THSD4: variants seen among roughly 807,000 people sequenced by gnomAD.
THSD4 encodes the protein thrombospondin type-1 domain-containing protein 4.
Under a neutral mutation model 119.0 loss-of-function variants are expected in THSD4, and 69 were observed. The observed-to-expected ratio is 0.58, with a 90% CI of 0.48 to 0.71. THSD4 has a LOEUF of 0.71. THSD4 is among the 30% of genes least tolerant of loss of function. The probability of loss-of-function intolerance (pLI) is 0.00; values close to 1 mark genes in which losing one functional copy is unlikely to be tolerated. For missense variants in THSD4, 1,393 were observed against 1,391.1 expected, an observed-to-expected ratio of 1.00 and a Z score of -0.02; for synonymous variants, 524 against 540.4, an observed-to-expected ratio of 0.97 and a Z score of 0.42.
intron 3 of THSD4, among the ~76,000 whole-genome samples, chr15:71,196,168 C>G (rs755166113): frequency 6.6e-6 from 1 of 152,150 alleles, no homozygotes; most frequent in Non-Finnish European, 1.5e-5. Flanking sequence ...GCAGAAGCCT[C>G]TTTTATAAGG....
intron 7 of THSD4, among the ~76,000 whole-genome samples, chr15:71,484,910 C>T (rs182796844): frequency 2.2e-4 from 33 of 152,174 alleles, no homozygotes; most frequent in South Asian, 4.1e-4. Flanking sequence ...TTGCTTAAGA[C>T]GTCCCATCAT....
At chr15:71,611,795 G>A (rs981359407) in intron 7 of THSD4, among the ~76,000 whole-genome samples, 1 of 152,230 alleles carries the variant, frequency 6.6e-6, no homozygotes, top group Non-Finnish European at 1.5e-5. Context: ...ATGGGTGAAA[G>A]CCCTGAGTCA....
At chr15:71,382,039 A>G (rs961716802) in intron 6 of THSD4, among the ~76,000 whole-genome samples, 2 of 152,178 alleles carry the variant, frequency 1.3e-5, no homozygotes, top group Non-Finnish European at 2.9e-5. Flanking sequence ...AAAAATGTCA[A>G]AAAGTTTAAA....
At chr15:71,099,497 G>A (rs1028584928) in intron 1 of THSD4, among the ~76,000 whole-genome samples, 5 of 151,962 alleles carry the variant, frequency 3.3e-5, no homozygotes, top group East Asian at 1.9e-4. Context: ...ACAGTGAATT[G>A]GCTCTTTTGA....
At chr15:71,605,752 G>C (rs184371450) in intron 7 of THSD4, among the ~76,000 whole-genome samples, 1 of 152,316 alleles carries the variant, frequency 6.6e-6, no homozygotes, top group East Asian at 1.9e-4. Context: ...AAAGTCTGAG[G>C]TTTGGGAGAG....
At chr15:71,700,566 C>T (rs961755539) in intron 8 of THSD4, among the ~76,000 whole-genome samples, 5 of 151,980 alleles carry the variant, frequency 3.3e-5, no homozygotes, top group Non-Finnish European at 4.4e-5. Flanking sequence ...ATGAGAATCA[C>T]CTGATTTTAA....
At chr15:71,302,935 C>T (rs2044972932) in intron 6 of THSD4, among the ~76,000 whole-genome samples, 1 of 152,116 alleles carries the variant, frequency 6.6e-6, no homozygotes, top group Admixed American at 6.5e-5. Context: ...ACATACTTCC[C>T]TGCGAGTTCT....
chr15:71,704,174 G>A (rs2052350142), intron 8 of THSD4, among the ~76,000 whole-genome samples: 3 of 152,178 alleles, frequency 2.0e-5, no homozygotes, highest in African/African-American at 7.2e-5. Flanking sequence ...GTTTTTAACA[G>A]AACTTAAAGT....
At chr15:71,298,546 TC>T (rs11306996) in intron 6 of THSD4, among the ~76,000 whole-genome samples, 138,257 of 150,068 alleles carry the variant, frequency 0.92, 64,791 homozygotes, top group East Asian at 1. Context: ...TCTCTTCTAG[TC>T]CCCCCCTTAG....
intron 1 of THSD4, among the ~76,000 whole-genome samples, chr15:71,125,148 GGAAAA>G (rs949086522): frequency 6.6e-6 from 1 of 151,848 alleles, no homozygotes; most frequent in African/African-American, 2.4e-5. Flanking sequence ...GAAAGGGAAA[GGAAAA>G]GAAAAGAGAA....
chr15:71,765,790 C>CTGTGTGTG lies in THSD4; in HGVS notation c.2769+615_2769+622dup, dbSNP rs59012463. On this transcript the variant is annotated intron_variant, in intron 16 of 17. Transcript: ENST00000261862. ...ACACAAACACACACGCACACACTCT[C>CTGTGTGTG]TGTGTGTGTGTGTGTGTGTGTGTGT... Among the ~76,000 whole-genome samples, 1,102 of 146,300 alleles carry CTGTGTGTG rather than the reference C, an allele frequency of 7.5e-3. 7 individuals are homozygous for CTGTGTGTG. Among genetic ancestry groups the CTGTGTGTG allele is most frequent in the Middle Eastern group, 0.011 (3 of 282 alleles).
intron 3 of THSD4, among the ~76,000 whole-genome samples, chr15:71,168,083 A>G (rs1251842420): frequency 6.6e-6 from 1 of 152,230 alleles, no homozygotes; most frequent in Non-Finnish European, 1.5e-5. Flanking sequence ...GAACTATTCA[A>G]CTTCCATTCT....
At chr15:71,281,270 T>C (rs1292049034) in intron 6 of THSD4, among the ~76,000 whole-genome samples, 1 of 152,266 alleles carries the variant, frequency 6.6e-6, no homozygotes, top group Non-Finnish European at 1.5e-5. Flanking sequence ...GTAACAATGC[T>C]TGTTAATTAA....
intron 7 of THSD4, among the ~76,000 whole-genome samples, chr15:71,642,603 T>C (rs1359914370): frequency 6.6e-6 from 1 of 152,166 alleles, no homozygotes. Flanking sequence ...ATATACACCA[T>C]GGAATACTAT....
intron 7 of THSD4, among the ~76,000 whole-genome samples, chr15:71,619,730 C>T (rs1205001147): frequency 6.6e-6 from 1 of 152,160 alleles, no homozygotes; most frequent in Non-Finnish European, 1.5e-5. Context: ...GCATAGGGCA[C>T]AGCACGCTGT....
chr15:71,741,354 A>G (rs562321321), intron 11 of THSD4, among the ~76,000 whole-genome samples: 1 of 152,098 alleles, frequency 6.6e-6, no homozygotes, highest in African/African-American at 2.4e-5. Flanking sequence ...TTATCTGGGC[A>G]TGGTGATGCA....
At chr15:71,249,097 T>G (rs923137739) in intron 5 of THSD4, among the ~76,000 whole-genome samples, 10 of 152,108 alleles carry the variant, frequency 6.6e-5, no homozygotes, top group African/African-American at 2.2e-4. Context: ...TTACTGACCT[T>G]TTCATACATA....
In THSD4 at chr15:71,387,763, G is replaced by C. The variant is rs371856604; in HGVS notation, c.1016-23924G>C. ...AAGGAAATATTATGGTCTGGTCAGGGAATCTCAGGCATGTAGCTCAGAATC... is the reference window on the plus strand; with the variant it reads ...AAGGAAATATTATGGTCTGGTCAGGCAATCTCAGGCATGTAGCTCAGAATC... On this transcript the variant is annotated intron_variant, in intron 6 of 17. Transcript: ENST00000261862. 7.9e-5 allele frequency among the ~76,000 whole-genome samples: 12 copies of C among 152,336 alleles called. 1 individual carries two copies. Among genetic ancestry groups the C allele is most frequent in the African/African-American group, 2.9e-4 (12 of 41,570 alleles).
rs141244427 is a variant in THSD4, at chr15:71,138,392, C to T, written c.-79-3057C>T. Among the ~76,000 whole-genome samples the T allele has an allele frequency of 5.1e-3, 782 of 152,272 alleles. 4 individuals are homozygous for T. Among genetic ancestry groups the T allele is most frequent in the Non-Finnish European group, 8.4e-3 (569 of 68,022 alleles). ...CGTGGGGATTATGGGGATTACAATT[C>T]GAGATGAGATTTGGGTGGAGACACA... On this transcript the variant is annotated intron_variant, in intron 1 of 17. Transcript: ENST00000261862.
Sources: gnomAD v4.1 joint callset for allele counts (sites outside exome capture counted in the v4.1 genomes callset) on GRCh38, gnomAD v4.1.1 for gene constraint, MANE v1.5 for transcripts, NCBI Gene and HGNC (gene_info 2026-07-23, HGNC 2026-07-21) for gene names.